Variants in CDC14B observed in about 807,000 individuals in gnomAD.
The protein encoded by CDC14B is cell division cycle 14B.
Under a neutral mutation model 64.2 loss-of-function variants are expected in CDC14B, and 22 were observed. That is an observed-to-expected ratio of 0.34 (90% CI 0.24 to 0.49). The LOEUF is 0.49. CDC14B is among the 20% of genes least tolerant of loss of function. The pLI is 0.99. For missense variants in CDC14B, 498 were observed against 629.9 expected (o/e 0.79, Z 2.24); for synonymous variants, 191 against 215.8 (o/e 0.89, Z 1.01).
rs1201551013 is a variant in CDC14B, at chr9:96,500,385, G to A, written c.*3368C>T. ...ATCAAGACAATGATTGATCAATACT[G>A]ATCAGTTACATTTTAAAACTTTTAA... On this transcript the variant is annotated 3_prime_UTR_variant, in exon 14 of 14. Transcript: ENST00000375241. The A allele has an allele frequency of 1.3e-5, 2 of 152,570 alleles. No homozygotes were observed. Among genetic ancestry groups the A allele is most frequent in the African/African-American group, 4.8e-5 (2 of 41,430 alleles). 9.5% of individuals were successfully genotyped at this position (152,570 alleles called of 1,614,324 possible).
chr9:96,521,755 A>G (rs1056589590), intron 12 of CDC14B, among the ~76,000 whole-genome samples: 14 of 152,240 alleles, frequency 9.2e-5, no homozygotes, highest in Admixed American at 7.9e-4. Context: ...CCCCGCAAAA[A>G]AGAAGGCTGG....
At chr9:96,572,238 T>C (rs1844522161) in intron 1 of CDC14B, among the ~76,000 whole-genome samples, 1 of 152,114 alleles carries the variant, frequency 6.6e-6, no homozygotes, top group South Asian at 2.1e-4. Context: ...AACTAGTAAG[T>C]GAGTTTCCCC....
At chr9:96,574,720 G>A (rs1025822518) in intron 1 of CDC14B, among the ~76,000 whole-genome samples, 645 of 104,244 alleles carry the variant, frequency 6.2e-3, no homozygotes, top group African/African-American at 0.036. Context: ...AAAAAAAAAA[G>A]ATTTAATGTT....
Position 96,619,249 on chromosome 9 carries a change from G to A in CDC14B, c.130C>T (p.Pro44Ser), listed in dbSNP as rs769809495. 1.5e-6 allele frequency: 2 copies of A among 1,358,134 alleles called. No homozygotes were observed. Among genetic ancestry groups the A allele is most frequent in the Middle Eastern group, 2.5e-4 (1 of 4,054 alleles). 84.1% of individuals were successfully genotyped at this position (1,358,134 alleles called of 1,614,324 possible). Residue 44 changes from proline to serine, a missense_variant, in exon 1 of 14, where the codon CCC becomes TCC. Coordinates refer to ENST00000375241, the MANE Select transcript of CDC14B (RefSeq NM_033331.4). ...ATGTCCAGGTACACGTCGTCCTGGG[G>A]GTCCCGGCGGCGCGGGTCTTGCTGC... Reference protein sequence around the residue: ...STQQDPRRRDPQDDVYLDITD... With the variant: ...STQQDPRRRDSQDDVYLDITD...
At chr9:96,494,262 G>A (rs1456165243) in intron 13 of CDC14B, among the ~76,000 whole-genome samples, 3 of 152,260 alleles carry the variant, frequency 2.0e-5, no homozygotes, top group Non-Finnish European at 4.4e-5. Context: ...GGGCAAAGCT[G>A]TTAGGAGAGG....
At chr9:96,564,902 T>A (rs1587990822) in intron 2 of CDC14B, 50 bp from the exon 3 acceptor site, 1 of 1,228,314 alleles carries the variant, frequency 8.1e-7, no homozygotes, top group East Asian at 2.5e-5. Flanking sequence ...ATGCTCTGAA[T>A]ATAAATGCCT....
At chr9:96,574,086 G>A (rs1844643851) in intron 1 of CDC14B, among the ~76,000 whole-genome samples, 2 of 151,972 alleles carry the variant, frequency 1.3e-5, no homozygotes, top group South Asian at 4.2e-4. Flanking sequence ...GGCGGAGCTG[G>A]CAGTACGCCG....
At position 96,509,712 on chromosome 9, in the gene CDC14B, C is replaced by T; in HGVS notation, c.1421G>A (p.Arg474Lys). 6.2e-7 allele frequency: 1 copy of T among 1,612,502 alleles called. No homozygotes were observed. The highest frequency in any genetic ancestry group is 8.5e-7 in the Non-Finnish European group (1 of 1,178,616). Residue 474 changes from arginine to lysine, a missense_variant, in exon 13 of 14, where the codon AGA becomes AAA. Arg to Lys is a conservative substitution (Grantham distance 26). Coordinates refer to ENST00000375241, the MANE Select transcript of CDC14B (RefSeq NM_033331.4). ...NISGSAGITK[R>K]TTRSASRKSS... ...TTTCCTTGAAGCAGATCTGGTGGTT[C>T]TTTTAGTAATGCCTGCACTGCCAGA...
At chr9:96,542,448 C>T (rs1006943691) in intron 5 of CDC14B, among the ~76,000 whole-genome samples, 10 of 151,778 alleles carry the variant, frequency 6.6e-5, no homozygotes, top group Admixed American at 2.0e-4. Flanking sequence ...TTGTTGCTAT[C>T]GTTATCCTAA....
In CDC14B at chr9:96,502,804, A is replaced by G. The variant is rs1833672163; in HGVS notation, c.*949T>C. On this transcript the variant is annotated 3_prime_UTR_variant, in exon 14 of 14. Transcript: ENST00000375241. ...TCAATGGCCTTAGGTGGATCTCATAAGGGAAAAAAAAAATCCAATGTTACA... is the reference window on the plus strand; with the variant it reads ...TCAATGGCCTTAGGTGGATCTCATAGGGGAAAAAAAAAATCCAATGTTACA... 7.5e-6 allele frequency: 3 copies of G among 398,584 alleles called. No individual in the cohort carries two copies. Among genetic ancestry groups the G allele is most frequent in the Non-Finnish European group, 1.3e-5 (3 of 225,930 alleles). 24.7% of individuals were successfully genotyped at this position (398,584 alleles called of 1,614,324 possible).
intron 9 of CDC14B, among the ~76,000 whole-genome samples, chr9:96,533,153 G>A (rs1838751030): frequency 6.6e-6 from 1 of 152,082 alleles, no homozygotes; most frequent in African/African-American, 2.4e-5. Flanking sequence ...ATTTTTAGTA[G>A]AGACAGGGTT....
intron 6 of CDC14B, 152 bp from the exon 7 acceptor site, chr9:96,539,292 C>G (rs776473695): frequency 3.4e-6 from 2 of 583,178 alleles, no homozygotes; most frequent in African/African-American, 3.8e-5. Context: ...AGGAAGTGGG[C>G]GGCGTCTTCT....
chr9:96,593,619 A>T (rs1407628327), intron 1 of CDC14B, among the ~76,000 whole-genome samples: 1 of 152,170 alleles, frequency 6.6e-6, no homozygotes, highest in Non-Finnish European at 1.5e-5. Flanking sequence ...AGGCAAGTGG[A>T]TCCTAAAGTT....
intron 9 of CDC14B, among the ~76,000 whole-genome samples, chr9:96,532,243 G>A (rs1379682760): frequency 6.6e-6 from 1 of 152,164 alleles, no homozygotes; most frequent in Non-Finnish European, 1.5e-5. Context: ...TATTTTTGAA[G>A]GAGTTTTGCC....
intron 1 of CDC14B, among the ~76,000 whole-genome samples, chr9:96,606,848 G>T (rs1220324189): frequency 6.6e-6 from 1 of 151,968 alleles, no homozygotes; most frequent in Non-Finnish European, 1.5e-5. Context: ...TTACAGGCGT[G>T]AGCCACCGTG....
At chr9:96,499,356 G>A (rs1036531654), downstream of CDC14B, among the ~76,000 whole-genome samples, 22 of 152,334 alleles carry the variant, frequency 1.4e-4, no homozygotes, top group African/African-American at 4.8e-4. Flanking sequence ...TGTGAGGTGT[G>A]GACACTGAGC....
chr9:96,539,111 G>T lies in CDC14B; in HGVS notation c.594C>A (p.Asn198Lys). 1 of 1,610,202 alleles carries T rather than the reference G, an allele frequency of 6.2e-7. No homozygotes were observed. The change falls in exon 7 of 14, where the codon AAC becomes AAA. Residue 198 changes from asparagine (N) to lysine (K), a missense_variant. By Grantham distance (94) the Asn-to-Lys change is moderately conservative. Transcript: ENST00000375241. ...GTTCATATTCATCAAGGTTAAATGA[G>T]TTGAAATTAAGGAAGCCATACTGCA... The part of the protein sequence containing the change: ...KAMQYGFLNF[N>K]SFNLDEYEHY...
intron 12 of CDC14B, among the ~76,000 whole-genome samples, chr9:96,517,891 C>T (rs943409073): frequency 4.0e-5 from 6 of 151,134 alleles, no homozygotes; most frequent in Non-Finnish European, 5.9e-5. Flanking sequence ...AGGCTGGTCT[C>T]GAACTCCTGG....
chr9:96,513,904 C>G (rs1365640413), intron 12 of CDC14B, among the ~76,000 whole-genome samples: 1 of 152,236 alleles, frequency 6.6e-6, no homozygotes, highest in Admixed American at 6.5e-5. Flanking sequence ...GCCACACCAC[C>G]TGCGTCCACT....
Sources: allele counts gnomAD v4.1 joint callset (sites outside exome capture counted in the v4.1 genomes callset), GRCh38; gene constraint gnomAD v4.1.1; transcripts MANE v1.5; gene names NCBI Gene and HGNC (gene_info 2026-07-23, HGNC 2026-07-21).